The following GPC5 variants were observed in gnomAD, a reference collection of about 807,000 sequenced individuals.
The protein encoded by GPC5 is glypican 5.
GPC5 carries 47 observed loss-of-function variants against 53.9 expected under a neutral mutation model. The ratio of observed to expected loss-of-function variants is 0.87; its 90% CI spans 0.69 to 1.11. The LOEUF (loss-of-function observed/expected upper bound fraction) is 1.11, where lower values mean the gene tolerates loss of function less well. Ranked by LOEUF, GPC5 falls within the 50% of genes most tolerant of loss-of-function variation. The pLI is 0.00. For missense variants in GPC5, 748 were observed against 713.1 expected (o/e 1.05, Z -0.56); for synonymous variants, 286 against 263.3 (o/e 1.09, Z -0.84).
At chr13:92,829,314 T>C (rs1347246497) in intron 7 of GPC5, among the ~76,000 whole-genome samples, 1 of 152,170 alleles carries the variant, frequency 6.6e-6, no homozygotes, top group African/African-American at 2.4e-5. Context: ...ATAAAACAAG[T>C]TACTGCCATA....
chr13:92,701,688 T>C (rs969442261), intron 7 of GPC5, among the ~76,000 whole-genome samples: 2 of 151,988 alleles, frequency 1.3e-5, no homozygotes. Context: ...GTGCAATATC[T>C]ATAGAGGCCA....
intron 7 of GPC5, among the ~76,000 whole-genome samples, chr13:92,578,633 C>A (rs1202341724): frequency 6.6e-6 from 1 of 152,112 alleles, no homozygotes; most frequent in Non-Finnish European, 1.5e-5. Flanking sequence ...CTCACCTTTC[C>A]TCTGTTGTTT....
intron 6 of GPC5, among the ~76,000 whole-genome samples, chr13:91,942,997 G>A (rs1233821064): frequency 2.6e-5 from 4 of 151,950 alleles, no homozygotes; most frequent in African/African-American, 9.7e-5. Context: ...GGAATAAATA[G>A]CTCTGTTTTT....
chr13:92,136,257 C>T (rs1294801442), intron 6 of GPC5, among the ~76,000 whole-genome samples: 1 of 152,096 alleles, frequency 6.6e-6, no homozygotes, highest in African/African-American at 2.4e-5. Flanking sequence ...CTATTTCATA[C>T]ACATTTCCTT....
At chr13:92,822,986 T>A (rs896317846) in intron 7 of GPC5, among the ~76,000 whole-genome samples, 1 of 151,248 alleles carries the variant, frequency 6.6e-6, no homozygotes, top group Non-Finnish European at 1.5e-5. Flanking sequence ...AAAAAAAAAA[T>A]CACGAGTGCC....
At chr13:92,117,872 T>G (rs1215576464) in intron 6 of GPC5, among the ~76,000 whole-genome samples, 2 of 152,216 alleles carry the variant, frequency 1.3e-5, no homozygotes, top group African/African-American at 4.8e-5. Flanking sequence ...TTATGTGGAC[T>G]GTTATGTTGT....
chr13:91,821,909 T>C (rs530073992), intron 5 of GPC5, among the ~76,000 whole-genome samples: 86 of 152,332 alleles, frequency 5.6e-4, no homozygotes, highest in African/African-American at 2.0e-3. Context: ...AACTAAACAA[T>C]CAAGGTTTAA....
rs551481652 is a variant in GPC5, at chr13:91,537,420, C to T, written c.325+88498C>T. On this transcript the variant is annotated intron_variant, in intron 2 of 7. Transcript: ENST00000377067. ...TGAAAAATTAGAAATCAACAGATTACATAAGTGGGTGAAACAAACAACTCC... is the reference window on the plus strand; with the variant it reads ...TGAAAAATTAGAAATCAACAGATTATATAAGTGGGTGAAACAAACAACTCC... 3.3e-5 allele frequency among the ~76,000 whole-genome samples: 5 copies of T among 152,164 alleles called. No homozygotes were observed. The South Asian group carries it at 1.0e-3, about 32-fold the overall frequency.
intron 7 of GPC5, among the ~76,000 whole-genome samples, chr13:92,205,225 A>G (rs1018026142): frequency 6.6e-6 from 1 of 151,600 alleles, no homozygotes; most frequent in African/African-American, 2.4e-5. Flanking sequence ...TTTTTGAGAC[A>G]GTTTTGCTCT....
chr13:91,504,078 T>C (rs1884808350), intron 2 of GPC5, among the ~76,000 whole-genome samples: 1 of 152,016 alleles, frequency 6.6e-6, no homozygotes. Context: ...AAAACAATTG[T>C]TCTTCTCAAT....
At chr13:92,866,195 G>A in intron 7 of GPC5, 87 bp from the exon 8 acceptor site, 1 of 1,191,146 alleles carries the variant, frequency 8.4e-7, no homozygotes, top group Non-Finnish European at 1.2e-6. Context: ...AAACAATGCT[G>A]TCCACACTTT....
At chr13:92,013,754 A>T (rs957078645) in intron 6 of GPC5, among the ~76,000 whole-genome samples, 1 of 152,164 alleles carries the variant, frequency 6.6e-6, no homozygotes, top group Non-Finnish European at 1.5e-5. Flanking sequence ...ATTCCAAGCC[A>T]TATAATTTTT....
intron 7 of GPC5, among the ~76,000 whole-genome samples, chr13:92,857,557 A>AC (rs1879041468): frequency 1.3e-5 from 2 of 152,116 alleles, no homozygotes; most frequent in Admixed American, 6.6e-5. Flanking sequence ...AAAAATATTT[A>AC]CAACCTATGC....
intron 7 of GPC5, among the ~76,000 whole-genome samples, chr13:92,296,421 T>TTGC (rs2043034857): frequency 6.6e-6 from 1 of 152,236 alleles, no homozygotes; most frequent in East Asian, 1.9e-4. Context: ...TGGGCAGGTC[T>TTGC]TGCTGCTGCT....
At chr13:91,936,019 G>T (rs201170274) in intron 6 of GPC5, among the ~76,000 whole-genome samples, 3 of 142,312 alleles carry the variant, frequency 2.1e-5, no homozygotes, top group East Asian at 3.9e-4. Context: ...TTTTGAAAAA[G>T]CTTCCTCCCT....
At chr13:92,614,904 TAG>T (rs1377740877) in intron 7 of GPC5, among the ~76,000 whole-genome samples, 1 of 152,216 alleles carries the variant, frequency 6.6e-6, no homozygotes, top group Admixed American at 6.5e-5. Flanking sequence ...TTTTACAAAA[TAG>T]TGTTAACTCT....
intron 2 of GPC5, among the ~76,000 whole-genome samples, chr13:91,601,604 AT>A (rs767910830): frequency 5.9e-5 from 9 of 151,956 alleles, no homozygotes; most frequent in Admixed American, 1.3e-4. Flanking sequence ...GTGGTATTTG[AT>A]TCTCATAGGA....
chr13:91,598,294 G>T (rs1177292617), intron 2 of GPC5, among the ~76,000 whole-genome samples: 1 of 151,224 alleles, frequency 6.6e-6, no homozygotes, highest in Non-Finnish European at 1.5e-5. Context: ...TTTTTATATT[G>T]TGTGGCATGA....
chr13:92,724,314 AGG>A (rs1888578777), intron 7 of GPC5, among the ~76,000 whole-genome samples: 1 of 151,690 alleles, frequency 6.6e-6, no homozygotes, highest in Non-Finnish European at 1.5e-5. Flanking sequence ...AAAAGATATC[AGG>A]CACATAAATG....
Sources: gnomAD v4.1 joint callset for allele counts (sites outside exome capture counted in the v4.1 genomes callset) on GRCh38, gnomAD v4.1.1 for gene constraint, MANE v1.5 for transcripts, NCBI Gene and HGNC (gene_info 2026-07-23, HGNC 2026-07-21) for gene names.